FAM184A: variants seen among roughly 807,000 people sequenced by gnomAD.
The protein encoded by FAM184A is protein FAM184A.
Under a neutral mutation model 143.8 loss-of-function variants are expected in FAM184A, and 99 were observed. That is an observed-to-expected ratio of 0.69 (90% CI 0.58 to 0.81). The LOEUF is 0.81. FAM184A is among the 40% of genes least tolerant of loss of function. The probability of loss-of-function intolerance (pLI) is 0.00; values close to 1 mark genes in which losing one functional copy is unlikely to be tolerated. For missense variants in FAM184A, 1,217 were observed against 1,310.5 expected, an observed-to-expected ratio of 0.93 and a Z score of 1.10; for synonymous variants, 427 against 446.4, an observed-to-expected ratio of 0.96 and a Z score of 0.55.
intron 1 of FAM184A, among the ~76,000 whole-genome samples, chr6:119,139,628 T>G (rs758798769): frequency 6.9e-6 from 1 of 144,574 alleles, no homozygotes; most frequent in Non-Finnish European, 1.5e-5. Flanking sequence ...TACGTTCTCA[T>G]AATGTTGTAT....
intron 10 of FAM184A, 56 bp from the exon 11 acceptor site, chr6:118,979,574 C>A: frequency 3.7e-6 from 5 of 1,343,660 alleles, no homozygotes; most frequent in South Asian, 3.1e-5. Flanking sequence ...AAAATGCAAA[C>A]AAAATAGAAA....
At chr6:118,981,776 A>G (rs1262184247) in intron 9 of FAM184A, among the ~76,000 whole-genome samples, 1 of 152,214 alleles carries the variant, frequency 6.6e-6, no homozygotes, top group African/African-American at 2.4e-5. Context: ...AGGTTAGCAT[A>G]TGGCTTTATG....
intron 5 of FAM184A, among the ~76,000 whole-genome samples, chr6:119,016,238 G>A (rs1785247341): frequency 1.3e-5 from 2 of 152,200 alleles, no homozygotes; most frequent in Non-Finnish European, 2.9e-5. Context: ...GGTGGGGCCA[G>A]ATAAGAGAAT....
chr6:118,989,650 T>C lies in FAM184A; in HGVS notation c.2089-9300A>G, dbSNP rs116340073. Among the ~76,000 whole-genome samples, 290 of 130,468 alleles carry C rather than the reference T, an allele frequency of 2.2e-3. 2 individuals are homozygous for C. The highest frequency in any genetic ancestry group is 0.012 in the Middle Eastern group (3 of 260). The allele number at this position is 130,468 out of a possible 152,430, so 85.6% of individuals were successfully genotyped here. Reference sequence around the variant, plus strand: ...CTTCATAACTTCTCAATCTCAACTTTCTCATGCTTTTATGTACATCACTAG... The same window carrying C: ...CTTCATAACTTCTCAATCTCAACTTCCTCATGCTTTTATGTACATCACTAG... On this transcript the variant is annotated intron_variant, in intron 9 of 17. Coordinates refer to ENST00000338891, the MANE Select transcript of FAM184A (RefSeq NM_024581.6).
chr6:118,980,431 T>C, intron 9 of FAM184A, 81 bp from the exon 10 acceptor site: 1 of 1,013,092 alleles, frequency 9.9e-7, no homozygotes, highest in Non-Finnish European at 1.5e-6. Flanking sequence ...GAAAAGCATT[T>C]CAAAGATATT....
intron 1 of FAM184A, among the ~76,000 whole-genome samples, chr6:119,112,071 T>G (rs952124617): frequency 6.6e-6 from 1 of 152,184 alleles, no homozygotes; most frequent in Non-Finnish European, 1.5e-5. Context: ...CCTATGTCCA[T>G]GAAATGTGTT....
chr6:119,009,666 A>G (rs1156499998), intron 6 of FAM184A: 1 of 152,238 alleles, frequency 6.6e-6, no homozygotes, highest in Non-Finnish European at 1.5e-5. Context: ...GAGCGTTTGC[A>G]TAAGCTTTCC....
chr6:119,089,813 G>T (rs1788324071), intron 1 of FAM184A, among the ~76,000 whole-genome samples: 1 of 152,100 alleles, frequency 6.6e-6, no homozygotes, highest in Admixed American at 6.5e-5. Context: ...GTTTGACTAT[G>T]ATTTGTTGGT....
upstream of FAM184A, among the ~76,000 whole-genome samples, chr6:119,081,625 A>G (rs777764990): frequency 1.3e-5 from 2 of 152,194 alleles, no homozygotes; most frequent in Admixed American, 1.3e-4. Context: ...ATTGGATCAC[A>G]CGTGGGCTTG....
intron 14 of FAM184A, among the ~76,000 whole-genome samples, chr6:118,974,125 T>TTA (rs1474098587): frequency 1.3e-5 from 2 of 152,136 alleles, no homozygotes; most frequent in African/African-American, 4.8e-5. Flanking sequence ...TTACTTAACA[T>TTA]TATATATAGC....
chr6:118,985,699 C>G (rs1475057760), intron 9 of FAM184A, among the ~76,000 whole-genome samples: 4 of 152,172 alleles, frequency 2.6e-5, no homozygotes, highest in Non-Finnish European at 4.4e-5. Context: ...AAGCCCCTCT[C>G]GTAGCACCTA....
Position 119,046,507 on chromosome 6 carries a change from C to T in FAM184A, c.160-21694G>A, listed in dbSNP as rs369415749. Among the ~76,000 whole-genome samples the T allele has an allele frequency of 1.8e-4, 28 of 152,018 alleles. No homozygotes were observed. The East Asian group carries it at 4.6e-3, about 25-fold the overall frequency. ...GAAAAGGTATGCTTTAAAAAGTTAACTACACCAAGTTGATCTTCAAACGAC... is the reference window on the plus strand; with the variant it reads ...GAAAAGGTATGCTTTAAAAAGTTAATTACACCAAGTTGATCTTCAAACGAC... On this transcript the variant is annotated intron_variant, in intron 1 of 17. Coordinates refer to ENST00000338891, the MANE Select transcript of FAM184A (RefSeq NM_024581.6).
At chr6:119,068,300 C>T (rs1787542404) in intron 1 of FAM184A, among the ~76,000 whole-genome samples, 2 of 152,014 alleles carry the variant, frequency 1.3e-5, no homozygotes, top group South Asian at 2.1e-4. Flanking sequence ...CCACCCACCT[C>T]GGCCTCCCAA....
In FAM184A at chr6:119,087,651, GA is replaced by G. The variant is rs545255350; in HGVS notation, c.-202+61426del. Among the ~76,000 whole-genome samples, 22 of 152,340 alleles carry G rather than the reference GA, an allele frequency of 1.4e-4. No individual in the cohort carries two copies. In the South Asian group the frequency reaches 4.6e-3, roughly 32 times the overall value. Reference sequence around the variant, plus strand: ...ATCCCTGTGGTTGAAATTGCTGGTTGAAATGTGAAATGGTACAGCCACTGTG... The same window carrying G: ...ATCCCTGTGGTTGAAATTGCTGGTTGAATGTGAAATGGTACAGCCACTGTG... On this transcript the variant is annotated intron_variant, in intron 1 of 16. Coordinates refer to the FAM184A transcript ENST00000352896.
At position 118,961,869 on chromosome 6, in the gene FAM184A, G is replaced by C; in HGVS notation, c.3233C>G (p.Pro1078Arg). The change falls in exon 17 of 18, where the codon CCT becomes CGT. Residue 1078 changes from proline to arginine, a missense_variant. By Grantham distance (103) the Pro-to-Arg change is moderately radical (BLOSUM62 -2). Coordinates refer to ENST00000338891, the MANE Select transcript of FAM184A (RefSeq NM_024581.6). ...ATTAGGAATGGGATCCAGGCGGTTA[G>C]GATGTCCATTGCCCACTCCACCAGA... The part of the protein sequence containing the change: ...LESGGVGNGH[P>R]NRLDPIPNSP... The C allele has an allele frequency of 6.2e-7, 1 of 1,613,888 alleles. No homozygotes were observed. Among genetic ancestry groups the C allele is most frequent in the Non-Finnish European group, 8.5e-7 (1 of 1,179,856 alleles).
In FAM184A at chr6:119,023,941, A is replaced by G. The variant is rs1346181537; in HGVS notation, c.1014+18T>C. On this transcript the variant is annotated intron_variant, in intron 2 of 17. Transcript: ENST00000338891. ...AAGAAAAAAAATCCATGTGTTGAAT[A>G]TAATATTCTTTACTTACCTGAACAT... The G allele has an allele frequency of 9.1e-6, 14 of 1,539,202 alleles. No homozygotes were observed. Among genetic ancestry groups the G allele is most frequent in the African/African-American group, 2.8e-5 (2 of 71,920 alleles).
intron 1 of FAM184A, among the ~76,000 whole-genome samples, chr6:119,132,091 T>A (rs145953676): frequency 2.8e-4 from 43 of 152,328 alleles, no homozygotes; most frequent in Non-Finnish European, 1.3e-4. Context: ...ATTTTAAGAG[T>A]AAAATTTTAA....
intron 1 of FAM184A, among the ~76,000 whole-genome samples, chr6:119,043,490 G>C (rs894976006): frequency 6.6e-6 from 1 of 152,160 alleles, no homozygotes; most frequent in African/African-American, 2.4e-5. Flanking sequence ...TACTGGGTAG[G>C]AGACAGAGAA....
chr6:119,033,974 G>A (rs1785992422), intron 1 of FAM184A, among the ~76,000 whole-genome samples: 4 of 104,196 alleles, frequency 3.8e-5, no homozygotes, highest in Non-Finnish European at 5.2e-5. Context: ...CTGAGTGACA[G>A]AGTGAGACTC....
Sources: gnomAD v4.1 joint callset for allele counts (sites outside exome capture counted in the v4.1 genomes callset) on GRCh38, gnomAD v4.1.1 for gene constraint, MANE v1.5 for transcripts, NCBI Gene and HGNC (gene_info 2026-07-23, HGNC 2026-07-21) for gene names.